LPP: variants seen among roughly 807,000 people sequenced by gnomAD.
LPP encodes the protein lipoma-preferred partner.
Under a neutral mutation model 60.4 loss-of-function variants are expected in LPP, and 38 were observed. The ratio of observed to expected loss-of-function variants is 0.63; its 90% CI spans 0.49 to 0.83. LPP has a LOEUF of 0.83. Among genes scored for constraint, LPP ranks in the 40% least tolerant of loss-of-function variants. The pLI is 0.00. For missense variants in LPP, 902 were observed against 783.6 expected (o/e 1.15, Z -1.80); for synonymous variants, 328 against 290.8 (o/e 1.13, Z -1.30).
At chr3:188,640,445 C>T (rs1323992845) in intron 7 of LPP, among the ~76,000 whole-genome samples, 3 of 149,122 alleles carry the variant, frequency 2.0e-5, no homozygotes, top group Admixed American at 1.3e-4. Context: ...GTGCAGCGCA[C>T]CAGCATGGCA....
intron 2 of LPP, among the ~76,000 whole-genome samples, chr3:188,269,807 C>A (rs190184791): frequency 2.6e-5 from 4 of 151,980 alleles, no homozygotes; most frequent in Admixed American, 6.6e-5. Context: ...CGTGCCACCA[C>A]GCCCTAATTT....
rs558630888 is a variant in LPP at position 188,220,977 on chromosome 3, G to A, written c.-189-4428G>A. 2.6e-5 allele frequency among the ~76,000 whole-genome samples: 4 copies of A among 152,242 alleles called. No homozygotes were observed. The South Asian group carries it at 8.3e-4, about 32-fold the overall frequency. On this transcript the variant is annotated intron_variant, in intron 1 of 11. Transcript: ENST00000617246. Reference sequence around the variant, plus strand: ...GGGATTCATTTCTTAAAGGGATAGGGCTACCATTTAACTTTCTATTGTGTC... The same window carrying A: ...GGGATTCATTTCTTAAAGGGATAGGACTACCATTTAACTTTCTATTGTGTC...
intron 9 of LPP, among the ~76,000 whole-genome samples, chr3:188,819,143 C>A (rs1753280664): frequency 6.6e-6 from 1 of 151,640 alleles, no homozygotes; most frequent in Non-Finnish European, 1.5e-5. Flanking sequence ...ATGCTAAACA[C>A]TTTATCCTTT....
chr3:188,273,410 G>A (rs1196266557), intron 2 of LPP, among the ~76,000 whole-genome samples: 1 of 152,126 alleles, frequency 6.6e-6, no homozygotes, highest in East Asian at 1.9e-4. Context: ...GCCAGGCTTT[G>A]TAGTAGATGC....
intron 10 of LPP, among the ~76,000 whole-genome samples, chr3:188,868,150 A>G (rs1767137576): frequency 6.6e-6 from 1 of 152,200 alleles, no homozygotes; most frequent in Non-Finnish European, 1.5e-5. Flanking sequence ...AGGGAAGTGA[A>G]AAGATCTCAA....
chr3:188,319,616 G>T (rs1386021363), intron 2 of LPP, among the ~76,000 whole-genome samples: 3 of 152,138 alleles, frequency 2.0e-5, no homozygotes, highest in African/African-American at 7.2e-5. Flanking sequence ...TTAGCTGGAG[G>T]CAGTTTAAGG....
rs192770292 is a variant in LPP, at chr3:188,380,094, G to A, written c.-9-26018G>A. ...TGAAGCTGTAAGGTCCCCCAGGTTG[G>A]TAGTGGAGAACCAGGTGTGAAATCA... On this transcript the variant is annotated intron_variant, in intron 3 of 11. Transcript: ENST00000617246. Among the ~76,000 whole-genome samples, 659 of 152,290 alleles carry A rather than the reference G, an allele frequency of 4.3e-3. 3 individuals carry two copies. The highest frequency in any genetic ancestry group is 8.0e-3 in the Non-Finnish European group (545 of 68,028).
At chr3:188,189,651 T>A (rs1040589875) in intron 1 of LPP, among the ~76,000 whole-genome samples, 1 of 151,966 alleles carries the variant, frequency 6.6e-6, no homozygotes, top group Non-Finnish European at 1.5e-5. Context: ...AAGTCCAAGA[T>A]GATTTGAAAA....
chr3:188,215,536 C>CT (rs1454482927), intron 1 of LPP, among the ~76,000 whole-genome samples: 1 of 152,124 alleles, frequency 6.6e-6, no homozygotes, highest in Non-Finnish European at 1.5e-5. Context: ...CCGTATTTGT[C>CT]TTTTTGTGAC....
At chr3:188,852,504 C>T (rs1005840992) in intron 9 of LPP, among the ~76,000 whole-genome samples, 8 of 152,212 alleles carry the variant, frequency 5.3e-5, no homozygotes, top group African/African-American at 1.9e-4. Context: ...TATGAGGGCT[C>T]TCCCCTTATG....
intron 5 of LPP, among the ~76,000 whole-genome samples, chr3:188,486,502 C>T (rs1020878919): frequency 6.6e-6 from 1 of 151,890 alleles, no homozygotes; most frequent in African/African-American, 2.4e-5. Flanking sequence ...CAATATGGCC[C>T]CACTGAGAAG....
At chr3:188,676,839 G>T (rs1240502513) in intron 7 of LPP, among the ~76,000 whole-genome samples, 1 of 152,136 alleles carries the variant, frequency 6.6e-6, no homozygotes, top group Admixed American at 6.5e-5. Flanking sequence ...AAACAGCAAA[G>T]GTCACATGTA....
intron 5 of LPP, among the ~76,000 whole-genome samples, chr3:188,491,039 C>T (rs998371553): frequency 1.3e-5 from 2 of 151,956 alleles, no homozygotes; most frequent in African/African-American, 4.8e-5. Context: ...GGATTACAGG[C>T]GTGAGCCACC....
At chr3:188,659,102 T>G (rs1461436018) in intron 7 of LPP, among the ~76,000 whole-genome samples, 1 of 152,208 alleles carries the variant, frequency 6.6e-6, no homozygotes, top group Non-Finnish European at 1.5e-5. Flanking sequence ...TGTTAAAAAA[T>G]AATAGTGCAT....
intron 6 of LPP, among the ~76,000 whole-genome samples, chr3:188,525,505 C>A (rs1010429726): frequency 2.0e-5 from 3 of 152,162 alleles, no homozygotes; most frequent in Non-Finnish European, 4.4e-5. Context: ...ATAGTTTTCA[C>A]AAATATGACT....
intron 8 of LPP, among the ~76,000 whole-genome samples, chr3:188,745,562 A>G (rs1725870076): frequency 6.6e-6 from 1 of 152,160 alleles, no homozygotes; most frequent in Non-Finnish European, 1.5e-5. Flanking sequence ...TTTTGTGAAA[A>G]CAACCTCAAT....
chr3:188,241,417 C>T (rs1294949214), intron 2 of LPP, among the ~76,000 whole-genome samples: 1 of 152,214 alleles, frequency 6.6e-6, no homozygotes, highest in East Asian at 1.9e-4. Context: ...ACTCGTTCCT[C>T]ATCTTTTTCT....
intron 9 of LPP, among the ~76,000 whole-genome samples, chr3:188,809,602 TGC>T (rs1750270160): frequency 6.6e-6 from 1 of 152,212 alleles, no homozygotes; most frequent in African/African-American, 2.4e-5. Flanking sequence ...ATGGATAGAT[TGC>T]AAAAATTTTC....
rs1241105103 is a variant in LPP at position 188,875,142 on chromosome 3, G to A, written c.*663G>A. The A allele has an allele frequency of 1.4e-4, 30 of 217,132 alleles. No individual in the cohort carries two copies. The Admixed American group carries it at 1.7e-3, about 12-fold the overall frequency. 13.5% of individuals were successfully genotyped at this position (217,132 alleles called of 1,614,324 possible). A position where few individuals can be genotyped will look rare whatever the true frequency, so the allele number is the denominator to read the frequency against. On this transcript the variant is annotated 3_prime_UTR_variant, in exon 12 of 12. Transcript: ENST00000617246. The stretch of plus-strand genomic sequence containing the variant: ...CAAGGCTAATTGGAAAAGAGTTATC[G>A]GCCCATAGCTAATAAGTAGTGACAG...
Sources: gnomAD v4.1 joint callset for allele counts (sites outside exome capture counted in the v4.1 genomes callset) on GRCh38, gnomAD v4.1.1 for gene constraint, MANE v1.5 for transcripts, NCBI Gene and HGNC (gene_info 2026-07-23, HGNC 2026-07-21) for gene names.